The following KLHL7 variants were observed in gnomAD, a reference collection of about 807,000 sequenced individuals.
The protein encoded by KLHL7 is kelch like family member 7.
A neutral mutation model predicts 67.4 loss-of-function variants in KLHL7; 44 were observed. That is an observed-to-expected ratio of 0.65 (90% confidence interval 0.51 to 0.84). The LOEUF is 0.84. Among genes scored for constraint, KLHL7 ranks in the 40% least tolerant of loss-of-function variants. The pLI, the probability that KLHL7 is intolerant of heterozygous loss-of-function variation, is 0.00. For missense variants in KLHL7, 362 were observed against 718.1 expected, an observed-to-expected ratio of 0.50 and a Z score of 5.67; for synonymous variants, 252 against 243.3, an observed-to-expected ratio of 1.04 and a Z score of -0.33.
At chr7:23,123,715 C>A in intron 1 of KLHL7, 62 bp from the exon 2 acceptor site, 1 of 1,069,038 alleles carries the variant, frequency 9.4e-7, no homozygotes. Context: ...ACCTTTTTAA[C>A]ATGTATTGCC....
At chr7:23,117,869 A>G (rs753632406) in intron 1 of KLHL7, 16 of 1,613,656 alleles carry the variant, frequency 9.9e-6, no homozygotes, top group Non-Finnish European at 1.4e-5. Flanking sequence ...AGTTGAATCT[A>G]CAATCTGCTC....
chr7:23,113,658 C>T (rs1032992711), intron 1 of KLHL7, among the ~76,000 whole-genome samples: 1 of 152,112 alleles, frequency 6.6e-6, no homozygotes, highest in African/African-American at 2.4e-5. Flanking sequence ...TGGTGAAACC[C>T]CGTCTCTACT....
chr7:23,167,466 T>G (rs1411339587), intron 8 of KLHL7, among the ~76,000 whole-genome samples: 1 of 152,218 alleles, frequency 6.6e-6, no homozygotes, highest in Non-Finnish European at 1.5e-5. Context: ...AAGGAACTAT[T>G]ATGCTTTTCC....
intron 6 of KLHL7, among the ~76,000 whole-genome samples, chr7:23,151,251 A>G (rs1784526420): frequency 6.6e-6 from 1 of 151,504 alleles, no homozygotes; most frequent in Non-Finnish European, 1.5e-5. Context: ...AGAGTGAAAT[A>G]TGAGGTAGGG....
Position 23,144,984 on chromosome 7 carries a change from A to G in KLHL7, c.793+959A>G, listed in dbSNP as rs571564582. Reference sequence around the variant, plus strand: ...GTGGAGGCATGTGCCTGTGGTCCCAACTACTCCAGTGGCTGAGGCAGGAGG... The same window carrying G: ...GTGGAGGCATGTGCCTGTGGTCCCAGCTACTCCAGTGGCTGAGGCAGGAGG... On this transcript the variant is annotated intron_variant, in intron 6 of 10. Transcript: ENST00000339077. Among the ~76,000 whole-genome samples, 9 of 151,408 alleles carry G rather than the reference A, an allele frequency of 5.9e-5. No individual in the cohort carries two copies. The East Asian group carries it at 1.7e-3, about 29-fold the overall frequency.
At chr7:23,151,880 GA>G (rs1369772859) in intron 6 of KLHL7, among the ~76,000 whole-genome samples, 186 bp from the exon 7 acceptor site, 1 of 151,690 alleles carries the variant, frequency 6.6e-6, no homozygotes, top group Non-Finnish European at 1.5e-5. Context: ...GAGAATAAAT[GA>G]ATTGGTTAGT....
chr7:23,114,773 G>A (rs2128457425), intron 1 of KLHL7, among the ~76,000 whole-genome samples: 1 of 152,268 alleles, frequency 6.6e-6, no homozygotes, highest in Non-Finnish European at 1.5e-5. Flanking sequence ...AGATACTACA[G>A]GCTGGCAATT....
chr7:23,134,526 T>C (rs1783909455), intron 4 of KLHL7, among the ~76,000 whole-genome samples: 1 of 152,172 alleles, frequency 6.6e-6, no homozygotes, highest in African/African-American at 2.4e-5. Context: ...TTGAGTAGGA[T>C]TGGTATTAGT....
chr7:23,121,666 A>G (rs568158431), intron 1 of KLHL7, among the ~76,000 whole-genome samples: 2 of 144,616 alleles, frequency 1.4e-5, no homozygotes, highest in African/African-American at 5.3e-5. Flanking sequence ...CTTTCACTAT[A>G]GGTCAGTCCC....
intron 1 of KLHL7, chr7:23,106,881 G>A (rs1782666766): frequency 3.4e-6 from 3 of 885,030 alleles, no homozygotes; most frequent in South Asian, 1.0e-4. Flanking sequence ...CATCTACACC[G>A]ATAAGCATAG....
chr7:23,131,345 G>A (rs922355943), intron 4 of KLHL7, among the ~76,000 whole-genome samples: 1 of 152,098 alleles, frequency 6.6e-6, no homozygotes, highest in East Asian at 1.9e-4. Context: ...TGGTTCTTGT[G>A]TATTTTGGTA....
At chr7:23,155,357 A>G (rs6961140) in intron 7 of KLHL7, among the ~76,000 whole-genome samples, 25 of 152,252 alleles carry the variant, frequency 1.6e-4, no homozygotes, top group African/African-American at 6.0e-4. Context: ...AAAAACTGAA[A>G]TGATAGTTTA....
chr7:23,146,661 T>G (rs561217647), intron 6 of KLHL7, among the ~76,000 whole-genome samples: 1 of 118,092 alleles, frequency 8.5e-6, no homozygotes, highest in Non-Finnish European at 1.7e-5. Flanking sequence ...CTTCTTCTTC[T>G]TCTTCTTTTT....
chr7:23,172,921 G>A (rs1562595427), intron 9 of KLHL7, 27 bp from the exon 10 acceptor site: 2 of 1,520,638 alleles, frequency 1.3e-6, no homozygotes, highest in South Asian at 1.1e-5. Flanking sequence ...CTGTAAACAA[G>A]CACACTAAAA....
chr7:23,133,043 G>T (rs979030462), intron 4 of KLHL7, among the ~76,000 whole-genome samples: 1 of 152,134 alleles, frequency 6.6e-6, no homozygotes, highest in Non-Finnish European at 1.5e-5. Context: ...GATTACTATA[G>T]CTCTGTAGTA....
chr7:23,126,822 G>C (rs1783591978), intron 4 of KLHL7, among the ~76,000 whole-genome samples: 1 of 152,202 alleles, frequency 6.6e-6, no homozygotes, highest in Non-Finnish European at 1.5e-5. Context: ...GATTGGACTA[G>C]ATGGAGCAGG....
chr7:23,167,661 A>T (rs1219687101), intron 8 of KLHL7, among the ~76,000 whole-genome samples, 175 bp from the exon 9 acceptor site: 1 of 152,258 alleles, frequency 6.6e-6, no homozygotes, highest in Non-Finnish European at 1.5e-5. Context: ...CTATACAAAC[A>T]GGATTATTAG....
At chr7:23,155,972 A>ATT in intron 7 of KLHL7, 1 of 433,028 alleles carries the variant, frequency 2.3e-6, no homozygotes, top group African/African-American at 2.0e-5. Flanking sequence ...TCTTTCCTTG[A>ATT]TTTTTTTTTA....
intron 7 of KLHL7, 68 bp from the exon 8 acceptor site, chr7:23,165,630 T>C: frequency 1.3e-6 from 2 of 1,545,720 alleles, no homozygotes; most frequent in Non-Finnish European, 1.8e-6. Flanking sequence ...TTTGACTGTA[T>C]CTTTGCATTG....
Sources: allele counts gnomAD v4.1 joint callset (sites outside exome capture counted in the v4.1 genomes callset), GRCh38; gene constraint gnomAD v4.1.1; transcripts MANE v1.5; gene names NCBI Gene and HGNC (gene_info 2026-07-23, HGNC 2026-07-21).